PAQR5: variants seen among roughly 807,000 people sequenced by gnomAD.
PAQR5 encodes progestin and adipoQ receptor family member 5, also known as membrane progestin receptor gamma.
PAQR5 carries 20 observed loss-of-function variants against 34.5 expected under a neutral mutation model. That is an observed-to-expected ratio of 0.58 (90% CI 0.41 to 0.84). The LOEUF is 0.84. Among genes scored for constraint, PAQR5 ranks in the 40% least tolerant of loss-of-function variants. The probability of loss-of-function intolerance (pLI) is 0.00; values close to 1 mark genes in which losing one functional copy is unlikely to be tolerated. For missense variants in PAQR5, 378 were observed against 412.7 expected, an observed-to-expected ratio of 0.92 and a Z score of 0.73; for synonymous variants, 131 against 155.6, an observed-to-expected ratio of 0.84 and a Z score of 1.18.
chr15:69,300,573 CTT>C (rs1566984989), intron 1 of PAQR5, among the ~76,000 whole-genome samples: 6 of 83,548 alleles, frequency 7.2e-5, no homozygotes. Context: ...CTTTCTTTCT[CTT>C]TCTTTCTTTC....
In PAQR5 at chr15:69,300,841, T is replaced by TTTTCTTTC. The variant is rs541929828; in HGVS notation, c.-277+1832_-277+1839dup. Reference sequence around the variant, plus strand: ...TTCCTTCCTTCCTTCCTTTAGTTCGTTTTCTTTCTTTCTTTCTTTCTTTCT... The same window carrying TTTTCTTTC: ...TTCCTTCCTTCCTTCCTTTAGTTCGTTTTCTTTCTTTCTTTCTTTCTTTCTTTCTTTCT... On this transcript the variant is annotated intron_variant, in intron 1 of 8. Coordinates refer to ENST00000395407, the MANE Select transcript of PAQR5 (RefSeq NM_017705.4). 3.4e-3 allele frequency among the ~76,000 whole-genome samples: 67 copies of TTTTCTTTC among 19,578 alleles called. 9 individuals carry two copies. Among genetic ancestry groups the TTTTCTTTC allele is most frequent in the Admixed American group, 9.5e-3 (15 of 1,576 alleles). 12.8% of individuals were successfully genotyped at this position (19,578 alleles called of 152,430 possible). A position where few individuals can be genotyped will look rare whatever the true frequency, so the allele number is the denominator to read the frequency against.
At chr15:69,399,705 T>G (rs1349862204) in intron 7 of PAQR5, among the ~76,000 whole-genome samples, 1 of 152,268 alleles carries the variant, frequency 6.6e-6, no homozygotes, top group African/African-American at 2.4e-5. Flanking sequence ...CAAAAGACTC[T>G]CATGAGTATT....
chr15:69,390,656 A>C (rs2056242206), intron 6 of PAQR5, among the ~76,000 whole-genome samples: 1 of 152,164 alleles, frequency 6.6e-6, no homozygotes, highest in South Asian at 2.1e-4. Context: ...TAATGTACCC[A>C]GGACACTTAG....
intron 1 of PAQR5, among the ~76,000 whole-genome samples, chr15:69,319,330 AG>A (rs1173470331): frequency 6.6e-6 from 1 of 151,114 alleles, no homozygotes; most frequent in Non-Finnish European, 1.5e-5. Flanking sequence ...GCCATGGATA[AG>A]GGGGACTGCT....
rs746401222 is a variant in PAQR5 at position 69,400,071 on chromosome 15, C to T, written c.707C>T (p.Ala236Val). ...CTCCTGGCCTCTTTCTTGTACTCTG[C>T]ACATCTGCCAGAACGCCTAGCCCCT... ...MTLLASFLYS[A>V]HLPERLAPGR... Residue 236 changes from alanine (A) to valine (V), a missense_variant, in exon 8 of 9, where the codon GCA (alanine) becomes GTA (valine). By Grantham distance (64) the Ala-to-Val change is moderately conservative (BLOSUM62 0). Transcript: ENST00000395407. The T allele has an allele frequency of 6.2e-6, 10 of 1,614,076 alleles. No individual in the cohort carries two copies. The South Asian group carries it at 7.7e-5, about 12-fold the overall frequency.
intron 6 of PAQR5, among the ~76,000 whole-genome samples, chr15:69,392,621 G>C (rs542333484): frequency 6.6e-6 from 1 of 152,298 alleles, no homozygotes; most frequent in South Asian, 2.1e-4. Context: ...TGCCATAGGA[G>C]AGACAGACTG....
chr15:69,380,217 G>GT, intron 4 of PAQR5: 1 of 539,460 alleles, frequency 1.9e-6, no homozygotes, highest in Non-Finnish European at 3.2e-6. Flanking sequence ...ATGGACTGGG[G>GT]TAAGATTTGA....
intron 7 of PAQR5, 140 bp downstream of exon 7, chr15:69,397,704 G>A (rs549389570): frequency 3.0e-6 from 2 of 677,928 alleles, no homozygotes; most frequent in Admixed American, 2.3e-5. Context: ...AAGGGGGCCA[G>A]CCCCTCCACA....
At chr15:69,300,999 CTTTCT>C (rs2053590999) in intron 1 of PAQR5, among the ~76,000 whole-genome samples, 1 of 112,638 alleles carries the variant, frequency 8.9e-6, no homozygotes, top group African/African-American at 3.5e-5. Context: ...TTCTTTCTTT[CTTTCT>C]TTCTTTCTTC....
At chr15:69,330,164 G>C (rs1328556308) in intron 1 of PAQR5, among the ~76,000 whole-genome samples, 1 of 152,100 alleles carries the variant, frequency 6.6e-6, no homozygotes, top group Non-Finnish European at 1.5e-5. Context: ...GGCAGTCCAG[G>C]GTACTTGTTA....
At chr15:69,312,423 A>G (rs1440136272) in intron 1 of PAQR5, among the ~76,000 whole-genome samples, 1 of 151,770 alleles carries the variant, frequency 6.6e-6, no homozygotes, top group African/African-American at 2.4e-5. Flanking sequence ...TAAACCCCCT[A>G]CCCTGCTACC....
intron 2 of PAQR5, among the ~76,000 whole-genome samples, chr15:69,354,844 A>T (rs2140810667): frequency 6.6e-6 from 1 of 152,264 alleles, no homozygotes; most frequent in South Asian, 2.1e-4. Context: ...CCCAGAGAGA[A>T]CAAAAAGAGG....
chr15:69,403,643 A>G lies in PAQR5; in HGVS notation c.814A>G (p.Ile272Val). ...GGCCACGCACATGCAGATGGAAGCC[A>G]TACTTCTGGACAAGACTCTGAGGAA... ...ILATHMQMEAILLDKTLRKEW... is the reference protein window; with the variant it reads ...ILATHMQMEAVLLDKTLRKEW... Residue 272 changes from isoleucine to valine, a missense_variant, in exon 9 of 9, where the codon ATA becomes GTA. By Grantham distance (29) the Ile-to-Val change is conservative. Coordinates refer to ENST00000395407, the MANE Select transcript of PAQR5 (RefSeq NM_017705.4). 2 of 1,614,112 alleles carry G rather than the reference A, an allele frequency of 1.2e-6. No individual in the cohort carries two copies. The highest frequency in any genetic ancestry group is 1.7e-6 in the Non-Finnish European group (2 of 1,179,986).
Position 69,363,997 on chromosome 15 carries a change from G to A in PAQR5, c.51+3866G>A, listed in dbSNP as rs970890509. The stretch of plus-strand genomic sequence containing the variant: ...CTACACAGAGAGGAAAAGCAACGCC[G>A]TTTCCAGACTTGCACTGCAGCTCTG... On this transcript the variant is annotated intron_variant, in intron 3 of 8. Coordinates refer to ENST00000395407, the MANE Select transcript of PAQR5 (RefSeq NM_017705.4). Among the ~76,000 whole-genome samples, 11 of 152,230 alleles carry A rather than the reference G, an allele frequency of 7.2e-5. No homozygotes were observed. The East Asian group carries it at 1.7e-3, about 24-fold the overall frequency.
In PAQR5 at chr15:69,397,366, C is replaced by T. The variant is rs775046134; in HGVS notation, c.513-102C>T. 15 of 809,646 alleles carry T rather than the reference C, an allele frequency of 1.9e-5. No individual in the cohort carries two copies. In the Admixed American group the frequency reaches 2.3e-4, roughly 12 times the overall value. 50.2% of individuals were successfully genotyped at this position (809,646 alleles called of 1,614,324 possible). Reference sequence around the variant, plus strand: ...CAGGAGCTTGTAGAAAAATGCTTGTCCTCTGTTGATGACCAGGCCCTCGGT... The same window carrying T: ...CAGGAGCTTGTAGAAAAATGCTTGTTCTCTGTTGATGACCAGGCCCTCGGT... On this transcript the variant is annotated intron_variant, in intron 6 of 8. Coordinates refer to ENST00000395407, the MANE Select transcript of PAQR5 (RefSeq NM_017705.4).
rs544866707 is a variant in PAQR5, at chr15:69,305,116, GGC to G, written c.-277+6062_-277+6063del. Among the ~76,000 whole-genome samples the G allele has an allele frequency of 1.9e-4, 29 of 152,270 alleles. No individual in the cohort carries two copies. In the South Asian group the frequency reaches 5.6e-3, roughly 29 times the overall value. On this transcript the variant is annotated intron_variant, in intron 1 of 8. Transcript: ENST00000395407. The stretch of plus-strand genomic sequence containing the variant: ...ACCGGATAATTCTGTGTTTGTGGTG[GGC>G]GGTGGAGAGGGGGGATGTGCTGTGC...
chr15:69,394,452 A>G (rs1389097237), intron 6 of PAQR5, among the ~76,000 whole-genome samples: 1 of 152,188 alleles, frequency 6.6e-6, no homozygotes, highest in Non-Finnish European at 1.5e-5. Context: ...GCCCCCATGT[A>G]CACACACACG....
intron 2 of PAQR5, among the ~76,000 whole-genome samples, chr15:69,341,297 T>C (rs2054635351): frequency 6.6e-6 from 1 of 151,570 alleles, no homozygotes; most frequent in Admixed American, 6.6e-5. Flanking sequence ...TCTGGCTTAT[T>C]TGACTTAATG....
At chr15:69,390,681 AGAG>A (rs1054835902) in intron 6 of PAQR5, among the ~76,000 whole-genome samples, 4 of 152,182 alleles carry the variant, frequency 2.6e-5, no homozygotes, top group African/African-American at 9.6e-5. Flanking sequence ...AGCCTGGCAC[AGAG>A]GAGATGTCCC....
Sources: allele counts gnomAD v4.1 joint callset (sites outside exome capture counted in the v4.1 genomes callset), GRCh38; gene constraint gnomAD v4.1.1; transcripts MANE v1.5; gene names NCBI Gene and HGNC (gene_info 2026-07-23, HGNC 2026-07-21).